HERC2: variants seen among roughly 807,000 people sequenced by gnomAD.
The protein encoded by HERC2 is HECT and RLD domain containing E3 ubiquitin protein ligase 2.
A neutral mutation model predicts 537.7 loss-of-function variants in HERC2; 102 were observed. The ratio of observed to expected loss-of-function variants is 0.19; its 90% CI spans 0.16 to 0.22. The LOEUF (loss-of-function observed/expected upper bound fraction) is 0.22. Among genes scored for constraint, HERC2 ranks in the 10% least tolerant of loss-of-function variants. The pLI is 1.00. For synonymous variants in HERC2, 2,224 were observed against 2,466.2 expected (o/e 0.90, Z 2.91); for missense variants, 4,236 against 6,198.2 (o/e 0.68, Z 10.63).
intron 2 of HERC2, among the ~76,000 whole-genome samples, chr15:28,303,774 G>C (rs1264376752): frequency 6.6e-6 from 1 of 152,134 alleles, no homozygotes; most frequent in African/African-American, 2.4e-5. Context: ...CACTTCTTGG[G>C]TTAGTTTTAT....
intron 83 of HERC2, among the ~76,000 whole-genome samples, chr15:28,128,824 TCTC>T (rs1176865392): frequency 6.6e-6 from 1 of 152,112 alleles, no homozygotes; most frequent in Non-Finnish European, 1.5e-5. Context: ...ACAGCTCAGT[TCTC>T]TGTGGGACTG....
chr15:28,263,346 T>C (rs967000565), intron 14 of HERC2, among the ~76,000 whole-genome samples, 177 bp from the exon 15 acceptor site: 1 of 152,178 alleles, frequency 6.6e-6, no homozygotes, highest in African/African-American at 2.4e-5. Flanking sequence ...GAGGTTGACA[T>C]AGAAGCAATA....
At chr15:28,149,748 G>A (rs770779504) in intron 70 of HERC2, among the ~76,000 whole-genome samples, 30 of 151,406 alleles carry the variant, frequency 2.0e-4, no homozygotes, top group South Asian at 6.3e-4. Context: ...AAACACACGC[G>A]ACTTCCAACC....
chr15:28,247,898 T>C (rs549200705), intron 21 of HERC2, among the ~76,000 whole-genome samples: 1 of 152,264 alleles, frequency 6.6e-6, no homozygotes, highest in East Asian at 1.9e-4. Context: ...GCTACAAAAT[T>C]ACTAATGGAA....
chr15:28,235,435 A>G (rs963235347), intron 26 of HERC2, among the ~76,000 whole-genome samples: 1 of 152,114 alleles, frequency 6.6e-6, no homozygotes, highest in African/African-American at 2.4e-5. Context: ...GAGGGAAGGA[A>G]GCAGATACCT....
intron 88 of HERC2, among the ~76,000 whole-genome samples, chr15:28,116,018 T>C (rs1888197047): frequency 6.6e-6 from 1 of 152,046 alleles, no homozygotes; most frequent in African/African-American, 2.4e-5. Flanking sequence ...AAACAGAATC[T>C]CCCATCTTCT....
chr15:28,173,838 A>C (rs28587058), intron 65 of HERC2, among the ~76,000 whole-genome samples: 1,932 of 151,528 alleles, frequency 0.013, 14 homozygotes, highest in Admixed American at 0.021. Context: ...TAACAAAAAG[A>C]AAACATGCAA....
intron 34 of HERC2, 47 bp downstream of exon 34, chr15:28,229,148 A>G: frequency 6.6e-7 from 1 of 1,505,502 alleles, no homozygotes; most frequent in Non-Finnish European, 9.2e-7. Flanking sequence ...CACAACATAT[A>G]ATTAAAGGCA....
chr15:28,310,053 C>G (rs1159485680), intron 2 of HERC2, among the ~76,000 whole-genome samples: 4 of 152,136 alleles, frequency 2.6e-5, no homozygotes, highest in African/African-American at 9.7e-5. Context: ...ATCTCTAATC[C>G]CAGCACCTTG....
intron 54 of HERC2, 37 bp downstream of exon 54, chr15:28,191,102 A>G (rs1896816943): frequency 1.9e-6 from 3 of 1,593,244 alleles, no homozygotes; most frequent in Non-Finnish European, 2.6e-6. Context: ...TCTTTATTAT[A>G]GAAGGTACTT....
At chr15:28,169,416 G>GA (rs979817865) in intron 66 of HERC2, 68 bp downstream of exon 66, 61 of 1,216,108 alleles carry the variant, frequency 5.0e-5, no homozygotes, top group African/African-American at 9.2e-5. Context: ...TCAACGAAAA[G>GA]AAAAAAAATC....
intron 70 of HERC2, among the ~76,000 whole-genome samples, chr15:28,148,510 A>G (rs1341011489): frequency 6.6e-6 from 1 of 152,242 alleles, no homozygotes; most frequent in Admixed American, 6.5e-5. Context: ...AATTCAAGAG[A>G]ACGTCCTGCA....
intron 30 of HERC2, 148 bp downstream of exon 30, chr15:28,232,998 T>G: frequency 1.5e-6 from 1 of 650,548 alleles, no homozygotes; most frequent in Non-Finnish European, 2.7e-6. Flanking sequence ...TTTCTGTATT[T>G]AATCGTAACT....
intron 68 of HERC2, among the ~76,000 whole-genome samples, chr15:28,164,015 G>A (rs1343370925): frequency 6.6e-6 from 1 of 152,174 alleles, no homozygotes; most frequent in Admixed American, 6.5e-5. Context: ...CTCCTGGAGG[G>A]CAGCACTGGG....
chr15:28,258,276 C>T (rs2075321791), intron 16 of HERC2, among the ~76,000 whole-genome samples: 1 of 152,054 alleles, frequency 6.6e-6, no homozygotes, highest in African/African-American at 2.4e-5. Context: ...TTCAAGACAA[C>T]CTGGCCAACA....
Position 28,173,953 on chromosome 15 carries a change from T to C in HERC2, c.10057+442A>G, listed in dbSNP as rs564969447. On this transcript the variant is annotated intron_variant, in intron 65 of 92. Coordinates refer to ENST00000261609, the MANE Select transcript of HERC2 (RefSeq NM_004667.6). The stretch of plus-strand genomic sequence containing the variant: ...GGGCCAGAGAGGAACGCTGGGGTAG[T>C]GTATGAGTTCATTATCTTTGATTGT... Among the ~76,000 whole-genome samples, 8 of 152,164 alleles carry C rather than the reference T, an allele frequency of 5.3e-5. No homozygotes were observed. In the South Asian group the frequency reaches 1.7e-3, roughly 32 times the overall value.
At chr15:28,190,886 A>G (rs1896796144) in intron 55 of HERC2, 79 bp downstream of exon 55, 1 of 910,852 alleles carries the variant, frequency 1.1e-6, no homozygotes, top group Non-Finnish European at 1.8e-6. Flanking sequence ...ACTGGGCTCA[A>G]TGCTAGTATA....
Position 28,196,450 on chromosome 15 carries a change from A to G in HERC2, c.8120+11T>C. ...CCCAAAGCAAATCTAGCAACCATAA[A>G]AATAACTCACGTAACCCCAGGATGA... On this transcript the variant is annotated intron_variant, in intron 51 of 92. Transcript: ENST00000261609. 4.4e-6 allele frequency: 7 copies of G among 1,607,530 alleles called. No homozygotes were observed. The highest frequency in any genetic ancestry group is 6.0e-6 in the Non-Finnish European group (7 of 1,175,278).
At chr15:28,316,314 C>A (rs2077084967) in intron 2 of HERC2, among the ~76,000 whole-genome samples, 1 of 146,936 alleles carries the variant, frequency 6.8e-6, no homozygotes, top group African/African-American at 2.5e-5. Flanking sequence ...TATTACTAGT[C>A]TTTTCCAAGA....
Sources: gnomAD v4.1 joint callset for allele counts (sites outside exome capture counted in the v4.1 genomes callset) on GRCh38, gnomAD v4.1.1 for gene constraint, MANE v1.5 for transcripts, NCBI Gene and HGNC (gene_info 2026-07-23, HGNC 2026-07-21) for gene names.